GRXCR1: variants seen among roughly 807,000 people sequenced by gnomAD.
GRXCR1 encodes glutaredoxin and cysteine rich domain containing 1, also known as glutaredoxin domain-containing cysteine-rich protein 1.
In GRXCR1, 27 loss-of-function variants were observed where a neutral mutation model predicts 27.3. The ratio of observed to expected loss-of-function variants is 0.99; its 90% CI spans 0.73 to 1.37. The LOEUF (loss-of-function observed/expected upper bound fraction) is 1.37. Ranked by LOEUF, GRXCR1 falls within the 40% of genes most tolerant of loss-of-function variation. The probability of loss-of-function intolerance (pLI) is 0.00; values close to 1 mark genes in which losing one functional copy is unlikely to be tolerated. For missense variants in GRXCR1, 379 were observed against 354.4 expected, an observed-to-expected ratio of 1.07 and a Z score of -0.56; for synonymous variants, 122 against 131.1, an observed-to-expected ratio of 0.93 and a Z score of 0.47.
chr4:43,019,951 T>G (rs1713044211), intron 2 of GRXCR1, among the ~76,000 whole-genome samples: 1 of 152,204 alleles, frequency 6.6e-6, no homozygotes, highest in East Asian at 1.9e-4. Flanking sequence ...AGGAGGGCCA[T>G]GTCTAGTACT....
chr4:43,022,141 AT>A (rs1376484981), intron 3 of GRXCR1, among the ~76,000 whole-genome samples: 1 of 152,176 alleles, frequency 6.6e-6, no homozygotes, highest in Non-Finnish European at 1.5e-5. Context: ...AATTTGGTTT[AT>A]GTGTATTATT....
chr4:42,900,797 G>A (rs1047011360), intron 1 of GRXCR1, among the ~76,000 whole-genome samples: 1 of 152,098 alleles, frequency 6.6e-6, no homozygotes, highest in Non-Finnish European at 1.5e-5. Flanking sequence ...GGAACTTGTG[G>A]GGGGTCTACA....
intron 1 of GRXCR1, among the ~76,000 whole-genome samples, chr4:42,944,897 G>A (rs547468975): frequency 4.7e-4 from 71 of 152,220 alleles, no homozygotes; most frequent in Non-Finnish European, 9.0e-4. Context: ...TAAATCTGCT[G>A]GAATCTTGGT....
chr4:42,977,469 A>C (rs1748550454), intron 2 of GRXCR1, among the ~76,000 whole-genome samples: 1 of 151,572 alleles, frequency 6.6e-6, no homozygotes, highest in Admixed American at 6.6e-5. Context: ...CCACATTCTC[A>C]CAAACAATTA....
intron 1 of GRXCR1, among the ~76,000 whole-genome samples, chr4:42,947,217 G>A (rs979996546): frequency 2.0e-5 from 3 of 152,084 alleles, no homozygotes; most frequent in African/African-American, 4.8e-5. Context: ...GGATGAGGTG[G>A]TCAGTGGACA....
intron 1 of GRXCR1, among the ~76,000 whole-genome samples, chr4:42,929,160 G>T (rs1041036161): frequency 6.6e-6 from 1 of 151,896 alleles, no homozygotes; most frequent in African/African-American, 2.4e-5. Flanking sequence ...TTGTGCATAG[G>T]TTATGTAAGG....
At chr4:42,977,126 G>T (rs1413985421) in intron 2 of GRXCR1, among the ~76,000 whole-genome samples, 4 of 151,996 alleles carry the variant, frequency 2.6e-5, no homozygotes, top group Admixed American at 2.6e-4. Flanking sequence ...ATTCATCCAT[G>T]TTGTAACAGA....
At chr4:42,938,736 C>T (rs141062922) in intron 1 of GRXCR1, among the ~76,000 whole-genome samples, 13 of 151,806 alleles carry the variant, frequency 8.6e-5, no homozygotes, top group Non-Finnish European at 1.0e-4. Flanking sequence ...TTCAGTTTTC[C>T]CAGCACCATT....
chr4:43,023,439 C>T (rs573210820), intron 3 of GRXCR1, among the ~76,000 whole-genome samples: 2 of 152,280 alleles, frequency 1.3e-5, no homozygotes, highest in South Asian at 4.1e-4. Flanking sequence ...TCATATATCC[C>T]ACCCAACTGA....
intron 1 of GRXCR1, among the ~76,000 whole-genome samples, chr4:42,956,509 G>T (rs1304417460): frequency 1.3e-5 from 2 of 151,662 alleles, no homozygotes. Context: ...AACTGGAAAA[G>T]ACCTTGAGAA....
At chr4:42,933,828 G>A (rs988148493) in intron 1 of GRXCR1, among the ~76,000 whole-genome samples, 2 of 151,824 alleles carry the variant, frequency 1.3e-5, no homozygotes, top group Non-Finnish European at 2.9e-5. Flanking sequence ...AAGCCACCCA[G>A]TTGATGATAT....
intron 1 of GRXCR1, among the ~76,000 whole-genome samples, chr4:42,934,809 T>C (rs6447197): frequency 0.13 from 19,123 of 151,982 alleles, 1,363 homozygotes; most frequent in Non-Finnish European, 0.16. Flanking sequence ...TAAGAGTTGA[T>C]TGGTGATGAC....
rs1462727839 is a variant in GRXCR1, at chr4:42,965,100, A to G, written c.627+1966A>G. 3.3e-5 allele frequency among the ~76,000 whole-genome samples: 5 copies of G among 152,064 alleles called. No homozygotes were observed. In the East Asian group the frequency reaches 5.8e-4, roughly 18 times the overall value. On this transcript the variant is annotated intron_variant, in intron 2 of 3. Coordinates refer to ENST00000399770, the MANE Select transcript of GRXCR1 (RefSeq NM_001080476.3). ...ATCTTCTCACTACTTCTGAGACAAT[A>G]TAAGAGGCTATAATGCCCGTCCTGC... is the stretch of plus-strand genomic sequence containing the variant.
At chr4:42,900,248 G>A (rs1018603798) in intron 1 of GRXCR1, among the ~76,000 whole-genome samples, 2 of 152,126 alleles carry the variant, frequency 1.3e-5, no homozygotes, top group African/African-American at 2.4e-5. Flanking sequence ...AGAATAAGAT[G>A]TCATGCAGAA....
intron 1 of GRXCR1, among the ~76,000 whole-genome samples, chr4:42,949,218 A>AT (rs1310388162): frequency 6.6e-6 from 1 of 151,802 alleles, no homozygotes; most frequent in African/African-American, 2.4e-5. Context: ...ACAAAAAAAA[A>AT]GCTGGGTGTG....
chr4:42,946,101 T>C (rs1747737059), intron 1 of GRXCR1, among the ~76,000 whole-genome samples: 1 of 152,104 alleles, frequency 6.6e-6, no homozygotes, highest in Admixed American at 6.6e-5. Flanking sequence ...TTCAATTTAA[T>C]CAGAGGCAAG....
intron 2 of GRXCR1, among the ~76,000 whole-genome samples, chr4:43,008,590 T>G (rs752127025): frequency 6.6e-6 from 1 of 152,250 alleles, no homozygotes; most frequent in Non-Finnish European, 1.5e-5. Flanking sequence ...AAGTAATTTA[T>G]TAAGCATTTA....
At chr4:42,939,484 G>A (rs1442109530) in intron 1 of GRXCR1, among the ~76,000 whole-genome samples, 1 of 151,948 alleles carries the variant, frequency 6.6e-6, no homozygotes, top group Non-Finnish European at 1.5e-5. Context: ...CAATTTGGAT[G>A]AATTTTATTT....
chr4:42,928,358 C>G lies in GRXCR1; in HGVS notation c.385-34534C>G, dbSNP rs896030239. ...GCAGATGACATGAGGAAATATCAGG[C>G]CTGAGGATGTTCAGGAAGCTTGGTT... On this transcript the variant is annotated intron_variant, in intron 1 of 3. Transcript: ENST00000399770. 5.3e-5 allele frequency among the ~76,000 whole-genome samples: 8 copies of G among 152,046 alleles called. No homozygotes were observed. In the Middle Eastern group the frequency reaches 0.014, roughly 259 times the overall value.
Sources: allele counts gnomAD v4.1 joint callset (sites outside exome capture counted in the v4.1 genomes callset), GRCh38; gene constraint gnomAD v4.1.1; transcripts MANE v1.5; gene names NCBI Gene and HGNC (gene_info 2026-07-23, HGNC 2026-07-21).